Variants in MPPED2 observed in about 807,000 individuals in gnomAD.
MPPED2 encodes metallophosphoesterase domain containing 2.
In MPPED2, 5 loss-of-function variants were observed where a neutral mutation model predicts 33.0. That is an observed-to-expected ratio of 0.15 (90% confidence interval 0.08 to 0.32). MPPED2 has a LOEUF of 0.32. Among genes scored for constraint, MPPED2 ranks in the 10% least tolerant of loss-of-function variants. MPPED2 has a pLI of 1.00. For missense variants in MPPED2, 275 were observed against 372.1 expected, an observed-to-expected ratio of 0.74 and a Z score of 2.15; for synonymous variants, 136 against 141.9, an observed-to-expected ratio of 0.96 and a Z score of 0.29.
At chr11:30,503,386 C>A (rs1044157031) in intron 3 of MPPED2, among the ~76,000 whole-genome samples, 1 of 152,130 alleles carries the variant, frequency 6.6e-6, no homozygotes, top group African/African-American at 2.4e-5. Flanking sequence ...ATACAGCCTG[C>A]CAACTTTCAG....
At chr11:30,475,006 G>A (rs533734180) in intron 4 of MPPED2, among the ~76,000 whole-genome samples, 2 of 152,196 alleles carry the variant, frequency 1.3e-5, no homozygotes, top group African/African-American at 4.8e-5. Flanking sequence ...AGCAATAATA[G>A]CCTTGAATGT....
At chr11:30,476,503 A>T (rs1297554338) in intron 4 of MPPED2, among the ~76,000 whole-genome samples, 2 of 151,968 alleles carry the variant, frequency 1.3e-5, no homozygotes, top group African/African-American at 4.8e-5. Context: ...TTTATCGAAG[A>T]CTACTGTTTC....
chr11:30,542,911 C>G lies in MPPED2; in HGVS notation c.129-6736G>C, dbSNP rs114200643. ...AGAATAAAAATAATTTTAAAAATGA[C>G]AAAATACTGGCAAATCAGTCACCTA... On this transcript the variant is annotated intron_variant, in intron 2 of 6. Coordinates refer to ENST00000358117, the MANE Select transcript of MPPED2 (RefSeq NM_001584.3). 8.4e-3 allele frequency among the ~76,000 whole-genome samples: 1,276 copies of G among 152,132 alleles called. 17 individuals are homozygous for G. Among genetic ancestry groups the G allele is most frequent in the African/African-American group, 0.029 (1,205 of 41,518 alleles).
chr11:30,401,803 G>T (rs1017925434), intron 6 of MPPED2, among the ~76,000 whole-genome samples: 17 of 151,490 alleles, frequency 1.1e-4, no homozygotes, highest in Admixed American at 1.1e-3. Context: ...TCCTGCCTCA[G>T]CCTCCTGAGT....
intron 6 of MPPED2, among the ~76,000 whole-genome samples, chr11:30,390,191 A>C (rs1188059170): frequency 6.6e-6 from 1 of 152,242 alleles, no homozygotes; most frequent in Non-Finnish European, 1.5e-5. Flanking sequence ...CTTGAGTTCA[A>C]ATAACAAATT....
intron 4 of MPPED2, among the ~76,000 whole-genome samples, chr11:30,488,355 T>C (rs796563500): frequency 6.6e-6 from 1 of 152,364 alleles, no homozygotes; most frequent in African/African-American, 2.4e-5. Flanking sequence ...GGCAAAAATA[T>C]AAATTATGCC....
At chr11:30,536,602 T>G (rs1954825194) in intron 2 of MPPED2, among the ~76,000 whole-genome samples, 1 of 152,182 alleles carries the variant, frequency 6.6e-6, no homozygotes, top group African/African-American at 2.4e-5. Flanking sequence ...ATGCATAACT[T>G]AAGCAATGAA....
At chr11:30,401,597 A>T (rs1036083158) in intron 6 of MPPED2, among the ~76,000 whole-genome samples, 2 of 152,226 alleles carry the variant, frequency 1.3e-5, no homozygotes, top group Non-Finnish European at 2.9e-5. Flanking sequence ...CTTACAAACT[A>T]AAGGAACTAT....
intron 3 of MPPED2, among the ~76,000 whole-genome samples, chr11:30,510,039 C>G (rs957579584): frequency 3.9e-5 from 6 of 152,156 alleles, no homozygotes; most frequent in African/African-American, 1.4e-4. Flanking sequence ...AATCCTGGGT[C>G]CTAACATTCA....
chr11:30,450,635 C>T (rs541416114), intron 4 of MPPED2, among the ~76,000 whole-genome samples: 27 of 152,248 alleles, frequency 1.8e-4, no homozygotes, highest in Admixed American at 4.6e-4. Context: ...TCTAAACACC[C>T]TATAAACAAA....
intron 3 of MPPED2, among the ~76,000 whole-genome samples, chr11:30,532,039 C>G (rs1416176473): frequency 6.6e-6 from 1 of 152,214 alleles, no homozygotes. Flanking sequence ...TTCACCAAGG[C>G]TCAGTTTCCT....
At chr11:30,544,535 C>T (rs1955306606) in intron 2 of MPPED2, among the ~76,000 whole-genome samples, 1 of 152,170 alleles carries the variant, frequency 6.6e-6, no homozygotes, top group Non-Finnish European at 1.5e-5. Flanking sequence ...TCAACAAATG[C>T]TTACGAACAT....
intron 3 of MPPED2, among the ~76,000 whole-genome samples, chr11:30,499,392 A>T (rs1378382850): frequency 1.3e-5 from 2 of 152,198 alleles, no homozygotes; most frequent in Non-Finnish European, 2.9e-5. Flanking sequence ...AAAATCTGAA[A>T]TGCTCCAATG....
intron 1 of MPPED2, among the ~76,000 whole-genome samples, chr11:30,584,429 CA>C (rs1221136740): frequency 6.6e-6 from 1 of 151,846 alleles, no homozygotes; most frequent in Non-Finnish European, 1.5e-5. Flanking sequence ...TTCCCGGCTA[CA>C]ACTTCCCCTT....
chr11:30,566,113 G>A (rs1271498730), intron 2 of MPPED2, among the ~76,000 whole-genome samples: 2 of 151,968 alleles, frequency 1.3e-5, no homozygotes, highest in East Asian at 1.9e-4. Flanking sequence ...CAGATGACCC[G>A]TTTTCATGGT....
At chr11:30,557,822 G>A (rs1008064178) in intron 2 of MPPED2, among the ~76,000 whole-genome samples, 4 of 152,218 alleles carry the variant, frequency 2.6e-5, no homozygotes, top group African/African-American at 9.6e-5. Context: ...CAATGACCAT[G>A]AGGGATCCAA....
At chr11:30,431,043 G>T (rs565069437) in intron 4 of MPPED2, among the ~76,000 whole-genome samples, 1 of 152,332 alleles carries the variant, frequency 6.6e-6, no homozygotes, top group Non-Finnish European at 1.5e-5. Context: ...TATATGCAAG[G>T]TGAGATGAAC....
intron 3 of MPPED2, among the ~76,000 whole-genome samples, chr11:30,510,464 C>A (rs1410354564): frequency 3.3e-5 from 5 of 152,192 alleles, no homozygotes; most frequent in African/African-American, 1.2e-4. Flanking sequence ...GCCAATACAG[C>A]ACCTCTTTTT....
Position 30,534,374 on chromosome 11 carries a change from G to GA in MPPED2, c.310+1619dup, listed in dbSNP as rs1248980018. Among the ~76,000 whole-genome samples, 6 of 152,076 alleles carry GA rather than the reference G, an allele frequency of 3.9e-5. No individual in the cohort carries two copies. The South Asian group carries it at 1.2e-3, about 32-fold the overall frequency. On this transcript the variant is annotated intron_variant, in intron 3 of 6. Coordinates refer to ENST00000358117, the MANE Select transcript of MPPED2 (RefSeq NM_001584.3). ...GCTAAAATAAAGAGATTATTGTAGA[G>GA]AAAAAAGACATAAGCGAAAAGATCT... is the stretch of plus-strand genomic sequence containing the variant.
Sources: allele counts gnomAD v4.1 joint callset (sites outside exome capture counted in the v4.1 genomes callset), GRCh38; gene constraint gnomAD v4.1.1; transcripts MANE v1.5; gene names NCBI Gene and HGNC (gene_info 2026-07-23, HGNC 2026-07-21).